The following DYNC2I1 variants were observed in gnomAD, a reference collection of about 807,000 sequenced individuals.
DYNC2I1 encodes cytoplasmic dynein 2 intermediate chain 1.
A neutral mutation model predicts 133.4 loss-of-function variants in DYNC2I1; 89 were observed. The observed-to-expected ratio is 0.67, with a 90% CI of 0.56 to 0.80. DYNC2I1 has a LOEUF of 0.80. Ranked by LOEUF, DYNC2I1 falls within the 30% of genes least tolerant of loss-of-function variation. The pLI is 0.00. For synonymous variants in DYNC2I1, 504 were observed against 484.3 expected (o/e 1.04, Z -0.54); for missense variants, 1,291 against 1,314.5 (o/e 0.98, Z 0.28).
intron 24 of DYNC2I1, among the ~76,000 whole-genome samples, chr7:158,944,878 C>T (rs1268502822): frequency 4.6e-5 from 7 of 152,086 alleles, no homozygotes; most frequent in Non-Finnish European, 7.4e-5. Context: ...GAGTGTGAGC[C>T]GTAGGCCCAG....
intron 1 of DYNC2I1, among the ~76,000 whole-genome samples, chr7:158,867,754 C>A (rs757963047): frequency 6.6e-6 from 1 of 152,066 alleles, no homozygotes; most frequent in Non-Finnish European, 1.5e-5. Context: ...TGGGCCTCCC[C>A]GGGAGTGCTT....
At chr7:158,866,161 G>A (rs1265559226) in intron 1 of DYNC2I1, among the ~76,000 whole-genome samples, 1 of 152,098 alleles carries the variant, frequency 6.6e-6, no homozygotes, top group African/African-American at 2.4e-5. Context: ...CACATTCTGA[G>A]CTAGTGGCCT....
At chr7:158,841,772 G>A in the DYNC2I1 span, among the ~76,000 whole-genome samples, 3 of 152,186 alleles carry the variant, frequency 2.0e-5, no homozygotes, top group Non-Finnish European at 2.9e-5. Context: ...TGGATGTGGC[G>A]CCTTTGGGAA....
At chr7:158,855,609 A>G (rs1477898643), upstream of DYNC2I1, among the ~76,000 whole-genome samples, 1 of 152,254 alleles carries the variant, frequency 6.6e-6, no homozygotes, top group Non-Finnish European at 1.5e-5. Context: ...AATATAAACT[A>G]AGTTTCTCCC....
intron 1 of DYNC2I1, among the ~76,000 whole-genome samples, chr7:158,861,839 C>T (rs911491482): frequency 2.0e-5 from 3 of 152,150 alleles, no homozygotes; most frequent in Admixed American, 1.3e-4. Context: ...TAGTTTTCTT[C>T]GTTACCGTTT....
Position 158,856,683 on chromosome 7 carries a change from C to A in DYNC2I1, c.-53C>A. ...GCACAGGTGGCCTCTTCGGGGTGGA[C>A]CGCGCCTGGCCGGGGCCGAGGACAC... On this transcript the variant is annotated 5_prime_UTR_variant, in exon 1 of 25. Transcript: ENST00000407559. 8.1e-7 allele frequency: 1 copy of A among 1,231,752 alleles called. No homozygotes were observed. Among genetic ancestry groups the A allele is most frequent in the Non-Finnish European group, 1.0e-6 (1 of 986,768 alleles). The allele number at this position is 1,231,752 out of a possible 1,614,324, so 76.3% of individuals were successfully genotyped here.
At chr7:158,892,047 G>C (rs927001034) in intron 8 of DYNC2I1, among the ~76,000 whole-genome samples, 1 of 152,202 alleles carries the variant, frequency 6.6e-6, no homozygotes, top group African/African-American at 2.4e-5. Flanking sequence ...CTTCTCAGGG[G>C]TGCGTGCCCC....
chr7:158,901,616 C>A, intron 8 of DYNC2I1, 123 bp from the exon 9 acceptor site: 1 of 660,526 alleles, frequency 1.5e-6, no homozygotes, highest in Non-Finnish European at 2.6e-6. Context: ...TTTACAAATA[C>A]CTAGAGTTTA....
intron 14 of DYNC2I1, among the ~76,000 whole-genome samples, chr7:158,916,288 C>A (rs1422343768): frequency 1.2e-5 from 1 of 82,572 alleles, no homozygotes; most frequent in Admixed American, 1.2e-4. Context: ...ATTGTGAAAC[C>A]TCGACACGGT....
intron 5 of DYNC2I1, among the ~76,000 whole-genome samples, chr7:158,881,514 T>C (rs936467742): frequency 3.8e-4 from 58 of 152,266 alleles, no homozygotes; most frequent in African/African-American, 1.1e-3. Context: ...AGTGCAGTGG[T>C]GCGATCTCGG....
rs530105342 is a variant in DYNC2I1, at chr7:158,871,573, G to T, written c.490+11G>T. On this transcript the variant is annotated intron_variant, in intron 3 of 24. Transcript: ENST00000407559. Reference sequence around the variant, plus strand: ...GGAAAGGCCGCTCAGGTGGGTCCCCGCTTGCCTTCCTGTGGTTCCACCCGA... The same window carrying T: ...GGAAAGGCCGCTCAGGTGGGTCCCCTCTTGCCTTCCTGTGGTTCCACCCGA... 15 of 1,517,922 alleles carry T rather than the reference G, an allele frequency of 9.9e-6. No homozygotes were observed. Among genetic ancestry groups the T allele is most frequent in the Middle Eastern group, 2.3e-4 (1 of 4,326 alleles). The allele number at this position is 1,517,922 out of a possible 1,614,324, so 94.0% of individuals were successfully genotyped here.
chr7:158,932,081 C>T (rs1422814184), intron 21 of DYNC2I1, among the ~76,000 whole-genome samples: 1 of 152,186 alleles, frequency 6.6e-6, no homozygotes, highest in Non-Finnish European at 1.5e-5. Context: ...AATCACGTGG[C>T]TGGGACTTTG....
chr7:158,926,525 G>A, intron 19 of DYNC2I1, 62 bp downstream of exon 19: 1 of 1,566,380 alleles, frequency 6.4e-7, no homozygotes, highest in Non-Finnish European at 8.7e-7. Context: ...GGTGGAGGTG[G>A]CGCCTGAATG....
intron 7 of DYNC2I1, among the ~76,000 whole-genome samples, chr7:158,888,371 A>G (rs939721402): frequency 4.6e-5 from 7 of 151,584 alleles, no homozygotes; most frequent in East Asian, 2.0e-4. Context: ...TTTGGATTCT[A>G]TGAATTATTT....
At chr7:158,858,681 A>G (rs903634602) in intron 1 of DYNC2I1, among the ~76,000 whole-genome samples, 27 of 152,106 alleles carry the variant, frequency 1.8e-4, no homozygotes, top group African/African-American at 6.0e-4. Flanking sequence ...TGTTTTCTAG[A>G]CATGCACAGA....
chr7:158,901,310 A>G (rs1846233347), intron 8 of DYNC2I1, among the ~76,000 whole-genome samples: 2 of 152,012 alleles, frequency 1.3e-5, no homozygotes, highest in Non-Finnish European at 2.9e-5. Context: ...GAGTTCAAGT[A>G]ATCTGCCTGC....
intron 11 of DYNC2I1, among the ~76,000 whole-genome samples, chr7:158,907,298 T>TA (rs71189433): frequency 9.5e-5 from 13 of 137,456 alleles, no homozygotes; most frequent in East Asian, 2.0e-4. Context: ...TTTTTTTTTT[T>TA]AAACCTGATT....
chr7:158,871,558 C>T lies in DYNC2I1; in HGVS notation c.486C>T (p.Arg162=). The T allele has an allele frequency of 6.5e-7, 1 of 1,533,582 alleles. No individual in the cohort carries two copies. Among genetic ancestry groups the T allele is most frequent in the Non-Finnish European group, 8.7e-7 (1 of 1,144,528 alleles). The allele number at this position is 1,533,582 out of a possible 1,614,324, so 95.0% of individuals were successfully genotyped here. A position where few individuals can be genotyped will look rare whatever the true frequency, so the allele number is the denominator to read the frequency against. Reference sequence around the variant, plus strand: ...TGGAGCGGGCGGAGAGGAAAGGCCGCTCAGGTGGGTCCCCGCTTGCCTTCC... The same window carrying T: ...TGGAGCGGGCGGAGAGGAAAGGCCGTTCAGGTGGGTCCCCGCTTGCCTTCC... The part of the protein sequence containing the change: ...QLLERAERKG[R]SVSKVRSEEK... Residue 162 remains arginine (R), a synonymous_variant, in exon 3 of 25, where the codon CGC becomes CGT. Coordinates refer to ENST00000407559, the MANE Select transcript of DYNC2I1 (RefSeq NM_018051.5).
At chr7:158,933,033 A>G (rs540594189) in intron 21 of DYNC2I1, among the ~76,000 whole-genome samples, 48 of 152,284 alleles carry the variant, frequency 3.2e-4, no homozygotes, top group African/African-American at 1.4e-4. Context: ...AGGGGCCTCC[A>G]TAGCAGAAAC....
Sources: allele counts gnomAD v4.1 joint callset (sites outside exome capture counted in the v4.1 genomes callset), GRCh38; gene constraint gnomAD v4.1.1; transcripts MANE v1.5; gene names NCBI Gene and HGNC (gene_info 2026-07-23, HGNC 2026-07-21).